Variants in TASP1 observed in about 807,000 individuals in gnomAD.
The protein encoded by TASP1 is threonine aspartase 1.
TASP1 carries 16 observed loss-of-function variants against 56.6 expected under a neutral mutation model. That is an observed-to-expected ratio of 0.28 (90% CI 0.19 to 0.43). The LOEUF is 0.43. Ranked by LOEUF, TASP1 falls within the 20% of genes least tolerant of loss-of-function variation. TASP1 has a pLI of 1.00. For missense variants in TASP1, 393 were observed against 511.6 expected, an observed-to-expected ratio of 0.77 and a Z score of 2.24; for synonymous variants, 179 against 184.2, an observed-to-expected ratio of 0.97 and a Z score of 0.23.
chr20:13,514,643 T>C (rs543873991), intron 10 of TASP1, among the ~76,000 whole-genome samples: 1 of 152,308 alleles, frequency 6.6e-6, no homozygotes, highest in South Asian at 2.1e-4. Context: ...TGTAGAATTT[T>C]AGTTGAAGTC....
the TASP1 span, among the ~76,000 whole-genome samples, chr20:13,182,957 G>A: frequency 6.6e-6 from 1 of 152,056 alleles, no homozygotes; most frequent in Admixed American, 6.5e-5. Flanking sequence ...AAATCTCCAC[G>A]ATCCCTGTAT....
chr20:13,344,749 C>G, the TASP1 span, among the ~76,000 whole-genome samples: 1 of 152,170 alleles, frequency 6.6e-6, no homozygotes, highest in African/African-American at 2.4e-5. Flanking sequence ...CCTTGTATTC[C>G]CAACGTGCCT....
the TASP1 span, among the ~76,000 whole-genome samples, chr20:13,241,604 C>T: frequency 6.6e-6 from 1 of 152,130 alleles, no homozygotes; most frequent in African/African-American, 2.4e-5. Context: ...GAGTTACCAT[C>T]TCATGACTCC....
the TASP1 span, among the ~76,000 whole-genome samples, chr20:13,269,899 C>G: frequency 6.6e-6 from 1 of 151,470 alleles, no homozygotes; most frequent in African/African-American, 2.4e-5. Flanking sequence ...GAATGGTTGG[C>G]ATTTGATGAT....
chr20:13,494,192 T>C (rs1027407147), intron 10 of TASP1, among the ~76,000 whole-genome samples: 2 of 152,338 alleles, frequency 1.3e-5, no homozygotes, highest in African/African-American at 2.4e-5. Flanking sequence ...AAGGATCACA[T>C]ATGAGGAGAA....
At chr20:13,130,667 G>A in the TASP1 span, among the ~76,000 whole-genome samples, 2 of 152,210 alleles carry the variant, frequency 1.3e-5, no homozygotes, top group Non-Finnish European at 2.9e-5. Context: ...CATTCCATAT[G>A]CACCAAGACC....
chr20:13,314,495 A>G, the TASP1 span, among the ~76,000 whole-genome samples: 1 of 151,678 alleles, frequency 6.6e-6, no homozygotes. Flanking sequence ...TGAGAGAGAG[A>G]AAAAAAACCA....
chr20:13,348,154 G>A, the TASP1 span, among the ~76,000 whole-genome samples: 432 of 152,272 alleles, frequency 2.8e-3, 1 homozygote, highest in Admixed American at 7.4e-3. Flanking sequence ...AACCCAAAAT[G>A]TTGAGGTAAT....
chr20:13,508,907 G>A (rs1300225474), intron 10 of TASP1, among the ~76,000 whole-genome samples: 1 of 152,138 alleles, frequency 6.6e-6, no homozygotes, highest in Non-Finnish European at 1.5e-5. Context: ...AATTAGTACA[G>A]CCATTCTGGA....
chr20:13,618,948 A>G lies in TASP1; in HGVS notation c.282+4498T>C, dbSNP rs532169916. Among the ~76,000 whole-genome samples the G allele has an allele frequency of 1.1e-4, 17 of 152,028 alleles. No individual in the cohort carries two copies. The South Asian group carries it at 2.3e-3, about 20-fold the overall frequency. On this transcript the variant is annotated intron_variant, in intron 4 of 13. Coordinates refer to ENST00000337743, the MANE Select transcript of TASP1 (RefSeq NM_017714.3). ...AGTGGCACAGTCTCGGCTCACTGCC[A>G]ACCTCTGCCTCCTGGGTCCTGGTTC...
chr20:13,485,486 A>C (rs2043291986), intron 10 of TASP1, among the ~76,000 whole-genome samples: 1 of 152,180 alleles, frequency 6.6e-6, no homozygotes, highest in Admixed American at 6.5e-5. Flanking sequence ...TTTTTTAGAA[A>C]TTGCCAGATA....
chr20:13,405,838 G>A lies in TASP1; in HGVS notation c.1170+11610C>T, dbSNP rs148925891. ...CCGAAAGTGCTGAGATTACAGGCAT[G>A]AGCCACCATGCCCAGCCAGTTTCCT... On this transcript the variant is annotated intron_variant, in intron 13 of 13. Transcript: ENST00000337743. 4.5e-3 allele frequency among the ~76,000 whole-genome samples: 684 copies of A among 152,046 alleles called. 4 individuals carry two copies. Among genetic ancestry groups the A allele is most frequent in the African/African-American group, 0.015 (610 of 41,468 alleles).
the TASP1 span, among the ~76,000 whole-genome samples, chr20:13,341,191 G>A: frequency 2.6e-5 from 4 of 152,318 alleles, no homozygotes; most frequent in Admixed American, 1.3e-4. Context: ...GAATAATCAT[G>A]TCATCAAATG....
chr20:13,349,175 C>G, the TASP1 span, among the ~76,000 whole-genome samples: 1 of 152,166 alleles, frequency 6.6e-6, no homozygotes, highest in East Asian at 1.9e-4. Flanking sequence ...TTCCTTGGCT[C>G]TCTGGGCTGT....
At chr20:13,139,459 A>T in the TASP1 span, among the ~76,000 whole-genome samples, 1 of 152,196 alleles carries the variant, frequency 6.6e-6, no homozygotes, top group Non-Finnish European at 1.5e-5. Context: ...TCTTCCAAGA[A>T]CCCAGCCTCC....
chr20:13,268,646 G>A, the TASP1 span, among the ~76,000 whole-genome samples: 1 of 152,214 alleles, frequency 6.6e-6, no homozygotes, highest in Non-Finnish European at 1.5e-5. Flanking sequence ...AGAGGTGACA[G>A]ACGAGGTCTC....
chr20:13,233,821 G>T, the TASP1 span, among the ~76,000 whole-genome samples: 1 of 152,178 alleles, frequency 6.6e-6, no homozygotes, highest in African/African-American at 2.4e-5. Flanking sequence ...ATGGCCCAGA[G>T]ATAGACAAGA....
the TASP1 span, among the ~76,000 whole-genome samples, chr20:13,218,519 T>C: frequency 6.6e-6 from 1 of 152,128 alleles, no homozygotes; most frequent in Non-Finnish European, 1.5e-5. Flanking sequence ...AAAACAGACA[T>C]GCAAACAGAC....
intron 4 of TASP1, among the ~76,000 whole-genome samples, chr20:13,602,124 C>T (rs747541281): frequency 2.6e-5 from 4 of 151,866 alleles, no homozygotes; most frequent in African/African-American, 9.7e-5. Context: ...CGTGATCTGC[C>T]CTCCTCAGTC....
Sources: gnomAD v4.1 joint callset for allele counts (sites outside exome capture counted in the v4.1 genomes callset) on GRCh38, gnomAD v4.1.1 for gene constraint, MANE v1.5 for transcripts, NCBI Gene and HGNC (gene_info 2026-07-23, HGNC 2026-07-21) for gene names.